CNOT2: variants seen among roughly 807,000 people sequenced by gnomAD.
CNOT2 encodes the protein CC chemokine receptor 4-negative regulator of transcription 2.
In CNOT2, 7 loss-of-function variants were observed where a neutral mutation model predicts 72.1. The ratio of observed to expected loss-of-function variants is 0.10; its 90% CI spans 0.06 to 0.18. The LOEUF (loss-of-function observed/expected upper bound fraction) is 0.18. Among genes scored for constraint, CNOT2 ranks in the 10% least tolerant of loss-of-function variants. The probability of loss-of-function intolerance (pLI) is 1.00; values close to 1 mark genes in which losing one functional copy is unlikely to be tolerated. For synonymous variants in CNOT2, 196 were observed against 225.6 expected (o/e 0.87, Z 1.17); for missense variants, 345 against 660.3 (o/e 0.52, Z 5.23).
chr12:70,298,695 A>AT (rs138871686), intron 2 of CNOT2, among the ~76,000 whole-genome samples: 14,531 of 152,228 alleles, frequency 0.095, 897 homozygotes, highest in Middle Eastern at 0.18. Flanking sequence ...GAGAAAGGGC[A>AT]TTTTAAGTAG....
At chr12:70,275,671 G>T (rs12321795) in intron 1 of CNOT2, among the ~76,000 whole-genome samples, 1 of 151,930 alleles carries the variant, frequency 6.6e-6, no homozygotes, top group African/African-American at 2.4e-5. Flanking sequence ...GCAAATATTT[G>T]TCTTTTCTGA....
intron 1 of CNOT2, among the ~76,000 whole-genome samples, chr12:70,250,184 A>G (rs976702465): frequency 2.6e-5 from 4 of 152,206 alleles, no homozygotes. Flanking sequence ...TTTGTGAAGC[A>G]CAAATAAGTG....
intron 2 of CNOT2, among the ~76,000 whole-genome samples, chr12:70,296,787 G>T (rs1335470565): frequency 1.4e-5 from 2 of 145,938 alleles, no homozygotes; most frequent in Non-Finnish European, 3.0e-5. Flanking sequence ...TGTTTTTCAA[G>T]AATTAAATAA....
At chr12:70,304,821 C>T (rs1874917658) in intron 2 of CNOT2, among the ~76,000 whole-genome samples, 4 of 152,232 alleles carry the variant, frequency 2.6e-5, no homozygotes, top group African/African-American at 9.6e-5. Context: ...GTGGGCTCCA[C>T]CCAGTTCGAG....
chr12:70,248,307 A>T (rs1957980501), intron 1 of CNOT2, among the ~76,000 whole-genome samples: 2 of 152,304 alleles, frequency 1.3e-5, no homozygotes, highest in East Asian at 1.9e-4. Flanking sequence ...TATGGAAATA[A>T]GGTGAGATGT....
At chr12:70,292,286 CTG>C (rs1449612155) in intron 2 of CNOT2, among the ~76,000 whole-genome samples, 17 of 152,148 alleles carry the variant, frequency 1.1e-4, no homozygotes, top group African/African-American at 2.7e-4. Context: ...CAAACCCCAA[CTG>C]TGGGACATTC....
intron 1 of CNOT2, among the ~76,000 whole-genome samples, chr12:70,266,418 C>T (rs1432881161): frequency 2.0e-5 from 3 of 152,060 alleles, no homozygotes; most frequent in Non-Finnish European, 4.4e-5. Flanking sequence ...CCACAGCACC[C>T]GGCCGTTGAA....
intron 3 of CNOT2, among the ~76,000 whole-genome samples, chr12:70,312,501 T>G (rs954215322): frequency 6.6e-6 from 1 of 151,966 alleles, no homozygotes. Flanking sequence ...AAAGCAGAAA[T>G]ACTATATGTC....
intron 3 of CNOT2, among the ~76,000 whole-genome samples, chr12:70,312,608 A>G (rs894964785): frequency 2.0e-5 from 3 of 151,978 alleles, no homozygotes; most frequent in African/African-American, 4.8e-5. Context: ...AAGTAACAGA[A>G]TGGTTTGATT....
At chr12:70,292,516 G>C (rs1872095377) in intron 2 of CNOT2, among the ~76,000 whole-genome samples, 2 of 152,218 alleles carry the variant, frequency 1.3e-5, no homozygotes, top group East Asian at 3.8e-4. Flanking sequence ...AGCATTCCTG[G>C]AGGATAACAA....
intron 15 of CNOT2, among the ~76,000 whole-genome samples, chr12:70,350,941 A>G (rs1009714230): frequency 3.3e-5 from 5 of 152,264 alleles, no homozygotes; most frequent in Middle Eastern, 3.4e-3. Flanking sequence ...TGTTTTTGTA[A>G]TATTATTTGA....
intron 15 of CNOT2, among the ~76,000 whole-genome samples, chr12:70,351,255 TA>T (rs1315928825): frequency 6.6e-6 from 1 of 152,052 alleles, no homozygotes; most frequent in Non-Finnish European, 1.5e-5. Context: ...ACACATCCAT[TA>T]GGGGCTTGGC....
chr12:70,264,338 A>G (rs2135748872), intron 1 of CNOT2, among the ~76,000 whole-genome samples: 1 of 152,164 alleles, frequency 6.6e-6, no homozygotes, highest in Non-Finnish European at 1.5e-5. Flanking sequence ...TTTTGAGGGT[A>G]CCCTTAGGCT....
chr12:70,278,282 C>G lies in CNOT2; in HGVS notation c.48+8C>G. On this transcript the variant is annotated splice_region_variant and intron_variant, in intron 2 of 15. Coordinates refer to ENST00000229195, the MANE Select transcript of CNOT2 (RefSeq NM_014515.7). ...GAGAAAAGAAACTACCAGGTAAGACCAGTCTTTCTTCTTTTTTCTCTATTG... is the reference window on the plus strand; with the variant it reads ...GAGAAAAGAAACTACCAGGTAAGACGAGTCTTTCTTCTTTTTTCTCTATTG... 1 of 1,592,060 alleles carries G rather than the reference C, an allele frequency of 6.3e-7. No homozygotes were observed. The highest frequency in any genetic ancestry group is 1.7e-5 in the Admixed American group (1 of 59,932).
At chr12:70,266,725 T>C (rs914875443) in intron 1 of CNOT2, among the ~76,000 whole-genome samples, 2 of 152,200 alleles carry the variant, frequency 1.3e-5, no homozygotes, top group African/African-American at 4.8e-5. Context: ...ATTTTTTAAT[T>C]GCTCTGAAGT....
At chr12:70,309,151 A>G (rs1876013930) in intron 2 of CNOT2, among the ~76,000 whole-genome samples, 1 of 152,158 alleles carries the variant, frequency 6.6e-6, no homozygotes, top group African/African-American at 2.4e-5. Context: ...GTGGATAGGC[A>G]TGCGGGATCC....
chr12:70,264,025 GCTTCTGTTGGTGTCACAC>G (rs1444499698), intron 1 of CNOT2, among the ~76,000 whole-genome samples: 2 of 152,166 alleles, frequency 1.3e-5, no homozygotes, highest in African/African-American at 4.8e-5. Flanking sequence ...TAAAACCTCT[GCTTCTGTTGGTGTCACAC>G]CCAGATATGA....
chr12:70,271,142 C>T (rs1453503103), intron 1 of CNOT2, among the ~76,000 whole-genome samples: 1 of 152,136 alleles, frequency 6.6e-6, no homozygotes, highest in Non-Finnish European at 1.5e-5. Context: ...AGCTTGTCCA[C>T]AGGCTAGCTC....
At position 70,301,097 on chromosome 12, in the gene CNOT2, T is replaced by C. The variant is rs151242167; in HGVS notation, c.49-9798T>C. ...TATCCCGAGACTTTGCTGAAGTTGA[T>C]TATCAGCTTAAGGAGATTTTGGGCT... On this transcript the variant is annotated intron_variant, in intron 2 of 15. Coordinates refer to ENST00000229195, the MANE Select transcript of CNOT2 (RefSeq NM_014515.7). Among the ~76,000 whole-genome samples the C allele has an allele frequency of 2.2e-4, 33 of 152,330 alleles. No individual in the cohort carries two copies. In the East Asian group the frequency reaches 6.2e-3, roughly 28 times the overall value.
Sources: gnomAD v4.1 joint callset for allele counts (sites outside exome capture counted in the v4.1 genomes callset) on GRCh38, gnomAD v4.1.1 for gene constraint, MANE v1.5 for transcripts, NCBI Gene and HGNC (gene_info 2026-07-23, HGNC 2026-07-21) for gene names.